The following CPSF4 variants were observed in gnomAD, a reference collection of about 807,000 sequenced individuals.
CPSF4 encodes the protein cleavage and polyadenylation specific factor 4, also known as cleavage and polyadenylation specificity factor subunit 4.
In CPSF4, 11 loss-of-function variants were observed where a neutral mutation model predicts 37.7. The ratio of observed to expected loss-of-function variants is 0.29; its 90% confidence interval spans 0.18 to 0.48. The LOEUF (loss-of-function observed/expected upper bound fraction) is 0.48. Ranked by LOEUF, CPSF4 falls within the 20% of genes least tolerant of loss-of-function variation. The pLI is 0.99. For missense variants in CPSF4, 144 were observed against 359.5 expected (o/e 0.40, Z 4.85); for synonymous variants, 132 against 135.9 (o/e 0.97, Z 0.20).
intron 3 of CPSF4, chr7:99,449,017 C>T (rs1224461534): frequency 6.6e-6 from 1 of 152,504 alleles, no homozygotes. Flanking sequence ...GATGTGCTCC[C>T]TGCTGGAAGG....
At chr7:99,447,096 G>C (rs570039614) in intron 2 of CPSF4, among the ~76,000 whole-genome samples, 1 of 140,358 alleles carries the variant, frequency 7.1e-6, no homozygotes, top group Non-Finnish European at 1.5e-5. Context: ...TGGTCCCCAA[G>C]CTTGCTTGGC....
At chr7:99,442,525 G>A (rs866110144) in intron 1 of CPSF4, among the ~76,000 whole-genome samples, 1 of 151,288 alleles carries the variant, frequency 6.6e-6, no homozygotes, top group Non-Finnish European at 1.5e-5. Flanking sequence ...GCAAGGTGGC[G>A]GGTGCCTGTA....
chr7:99,445,387 C>G (rs1797400341), intron 2 of CPSF4, among the ~76,000 whole-genome samples: 1 of 151,938 alleles, frequency 6.6e-6, no homozygotes, highest in Non-Finnish European at 1.5e-5. Context: ...GCACTCCAGC[C>G]TGGCAACAGA....
chr7:99,447,788 A>T, intron 2 of CPSF4: 1 of 455,496 alleles, frequency 2.2e-6, no homozygotes, highest in Non-Finnish European at 4.4e-6. Flanking sequence ...ACAGGATTTC[A>T]CCGTGACAGC....
rs1338138769 is a variant in CPSF4 at position 99,453,337 on chromosome 7, C to G, written c.571-629C>G. ...GATGTAGCTGCGTGGAGGCGCCAAT[C>G]ACATTGAACTCTTGATGGGGAAAGC... is the stretch of plus-strand genomic sequence containing the variant. On this transcript the variant is annotated intron_variant, in intron 6 of 7. Coordinates refer to ENST00000292476, the MANE Select transcript of CPSF4 (RefSeq NM_006693.4). This position sits in a 1 kb window ranked among gnomAD's most constrained non-coding sequence, Gnocchi z 4.7. 1 of 152,656 alleles carries G rather than the reference C, an allele frequency of 6.6e-6. No individual in the cohort carries two copies. Among genetic ancestry groups the G allele is most frequent in the Non-Finnish European group, 1.5e-5 (1 of 68,438 alleles). 9.5% of individuals were successfully genotyped at this position (152,656 alleles called of 1,614,324 possible).
intron 2 of CPSF4, 105 bp downstream of exon 2, chr7:99,444,944 A>G: frequency 1.0e-6 from 1 of 971,754 alleles, no homozygotes; most frequent in Non-Finnish European, 1.6e-6. Flanking sequence ...ATTGCTTTCT[A>G]CAGACTAACG....
At position 99,439,061 on chromosome 7, in the gene CPSF4, C is replaced by T; in HGVS notation, c.-22C>T. On this transcript the variant is annotated 5_prime_UTR_variant, in exon 1 of 8. Coordinates refer to ENST00000292476, the MANE Select transcript of CPSF4 (RefSeq NM_006693.4). Reference sequence around the variant, plus strand: ...GCAGGAGACCGAGGGGGAGCCGGGCCGGTGGGGCCGCCGCCGCCGCCATGC... The same window carrying T: ...GCAGGAGACCGAGGGGGAGCCGGGCTGGTGGGGCCGCCGCCGCCGCCATGC... 1 of 1,596,980 alleles carries T rather than the reference C, an allele frequency of 6.3e-7. No homozygotes were observed. Among genetic ancestry groups the T allele is most frequent in the South Asian group, 1.1e-5 (1 of 89,600 alleles).
chr7:99,452,545 T>C lies in CPSF4; in HGVS notation c.570+105T>C, dbSNP rs981947827. 4 of 1,025,942 alleles carry C rather than the reference T, an allele frequency of 3.9e-6. No homozygotes were observed. In the African/African-American group the frequency reaches 6.4e-5, roughly 16 times the overall value. The allele number at this position is 1,025,942 out of a possible 1,614,324, so 63.6% of individuals were successfully genotyped here. A position where few individuals can be genotyped will look rare whatever the true frequency, so the allele number is the denominator to read the frequency against. ...CTGCCTTAGACCCCGCTGGACAACT[T>C]GGGAGAGGAGGGGAGTCTCCCAAGT... On this transcript the variant is annotated intron_variant, in intron 6 of 7. Transcript: ENST00000292476.
chr7:99,446,278 C>T (rs1471590711), intron 2 of CPSF4, among the ~76,000 whole-genome samples: 4 of 152,248 alleles, frequency 2.6e-5, no homozygotes, highest in African/African-American at 9.6e-5. Context: ...TTCTGTCTCT[C>T]TGTTGACTAA....
chr7:99,451,129 AAG>A lies in CPSF4; in HGVS notation c.497+336_497+337del, dbSNP rs549778360. 7.5e-4 allele frequency: 160 copies of A among 212,142 alleles called. 1 individual carries two copies. Among genetic ancestry groups the A allele is most frequent in the African/African-American group, 3.5e-3 (152 of 43,652 alleles). The allele number at this position is 212,142 out of a possible 1,614,324, so 13.1% of individuals were successfully genotyped here. On this transcript the variant is annotated intron_variant, in intron 5 of 7. Transcript: ENST00000292476. ...AGTTAAGAACCTGTGCCCTAAAGGA[AAG>A]AATTTCAGAGCCTCCCATGTGGAGG...
chr7:99,439,671 C>G (rs1046058625), intron 1 of CPSF4: 2 of 153,240 alleles, frequency 1.3e-5, no homozygotes, highest in Admixed American at 6.5e-5. Flanking sequence ...GATTGGAACT[C>G]TCCCTCAACA....
intron 1 of CPSF4, among the ~76,000 whole-genome samples, chr7:99,440,674 A>ATATATATATATTTTT: frequency 1.1e-5 from 1 of 88,082 alleles, no homozygotes; most frequent in Admixed American, 1.2e-4. Flanking sequence ...ATATATATAT[A>ATATATATATATTTTT]TTTTTTTTTT....
intron 5 of CPSF4, 179 bp downstream of exon 5, chr7:99,450,974 C>T (rs895129953): frequency 1.0e-5 from 6 of 590,116 alleles, no homozygotes; most frequent in African/African-American, 1.9e-5. Flanking sequence ...TTCCTGAGCC[C>T]GCAGGTGGCT....
At chr7:99,439,386 C>T (rs1442814033) in intron 1 of CPSF4, 10 of 499,226 alleles carry the variant, frequency 2.0e-5, no homozygotes, top group African/African-American at 2.0e-5. Context: ...TGGGATCCTC[C>T]CCTTTAGTTA....
Position 99,443,153 on chromosome 7 carries a change from T to C in CPSF4, c.104-1636T>C, listed in dbSNP as rs754890891. 1.9e-5 allele frequency: 15 copies of C among 790,972 alleles called. No homozygotes were observed. In the African/African-American group the frequency reaches 2.5e-4, roughly 13 times the overall value. 49.0% of individuals were successfully genotyped at this position (790,972 alleles called of 1,614,324 possible). A position where few individuals can be genotyped will look rare whatever the true frequency, so the allele number is the denominator to read the frequency against. ...TCCCAAACCTAGCTGCCTGAGCAGC[T>C]TTCTTACTCTCCAAGCTCACAGGTA... On this transcript the variant is annotated intron_variant, in intron 1 of 7. Transcript: ENST00000292476.
At chr7:99,449,939 A>G (rs760230262) in intron 3 of CPSF4, among the ~76,000 whole-genome samples, 1 of 152,048 alleles carries the variant, frequency 6.6e-6, no homozygotes. Flanking sequence ...GGAGAAGGTG[A>G]GCCTGGAAGC....
chr7:99,440,771 A>C (rs1474616603), intron 1 of CPSF4, among the ~76,000 whole-genome samples: 1 of 148,872 alleles, frequency 6.7e-6, no homozygotes, highest in Non-Finnish European at 1.5e-5. Flanking sequence ...GTCTTCAAGA[A>C]GACAAGATAG....
In CPSF4 at chr7:99,440,675, T is replaced by TATA. The variant is rs1491236759; in HGVS notation, c.103+1490_103+1491insATA. On this transcript the variant is annotated intron_variant, in intron 1 of 7. Transcript: ENST00000292476. ...CCTGGCATATATATATATATATATA[T>TATA]TTTTTTTTTTTTTTTTTTCCTGCCT... Among the ~76,000 whole-genome samples, 188 of 74,816 alleles carry TATA rather than the reference T, an allele frequency of 2.5e-3. 1 individual carries two copies. The highest frequency in any genetic ancestry group is 8.2e-3 in the South Asian group (17 of 2,076). The allele number at this position is 74,816 out of a possible 152,430, so 49.1% of individuals were successfully genotyped here. A position where few individuals can be genotyped will look rare whatever the true frequency, so the allele number is the denominator to read the frequency against.
At chr7:99,444,334 G>T (rs1000858065) in intron 1 of CPSF4, among the ~76,000 whole-genome samples, 2 of 152,054 alleles carry the variant, frequency 1.3e-5, no homozygotes, top group Non-Finnish European at 2.9e-5. Flanking sequence ...GCAGGCACCT[G>T]TAATCCCAGC....
Sources: allele counts gnomAD v4.1 joint callset (sites outside exome capture counted in the v4.1 genomes callset), GRCh38; gene constraint gnomAD v4.1.1; non-coding constraint Gnocchi (gnomAD v3.1); transcripts MANE v1.5; gene names NCBI Gene and HGNC (gene_info 2026-07-23, HGNC 2026-07-21).